Variants in PDE7B observed in about 807,000 individuals in gnomAD.
PDE7B encodes 3',5'-cyclic-AMP phosphodiesterase 7B.
In PDE7B, 29 loss-of-function variants were observed where a neutral mutation model predicts 56.2. The observed-to-expected ratio is 0.52, with a 90% CI of 0.38 to 0.70. PDE7B has a LOEUF of 0.70. Among genes scored for constraint, PDE7B ranks in the 30% least tolerant of loss-of-function variants. The pLI is 0.00. For synonymous variants in PDE7B, 197 were observed against 196.9 expected (o/e 1.00, Z 0.00); for missense variants, 490 against 565.0 (o/e 0.87, Z 1.35).
chr6:136,145,356 T>C (rs982338474), intron 3 of PDE7B, among the ~76,000 whole-genome samples: 1 of 152,120 alleles, frequency 6.6e-6, no homozygotes. Context: ...GATTCCATCA[T>C]TTTTTGAGCT....
At chr6:136,024,018 C>T in intron 2 of PDE7B, among the ~76,000 whole-genome samples, 1 of 151,960 alleles carries the variant, frequency 6.6e-6, no homozygotes, top group East Asian at 1.9e-4. Context: ...CAAGAAAGCC[C>T]TTGATAATTC....
At chr6:135,961,257 G>A (rs1583797124) in intron 2 of PDE7B, among the ~76,000 whole-genome samples, 1 of 136,100 alleles carries the variant, frequency 7.3e-6, no homozygotes, top group Admixed American at 7.1e-5. Context: ...GAGTGTATAT[G>A]TGTGTGTGTG....
intron 1 of PDE7B, among the ~76,000 whole-genome samples, chr6:135,903,219 A>G (rs1776036883): frequency 6.6e-6 from 1 of 152,152 alleles, no homozygotes. Flanking sequence ...TGTACTCAAC[A>G]CCTCACATCT....
intron 1 of PDE7B, among the ~76,000 whole-genome samples, chr6:135,894,591 G>A (rs1449751275): frequency 6.6e-6 from 1 of 152,144 alleles, no homozygotes; most frequent in Non-Finnish European, 1.5e-5. Context: ...AGACCCCAAG[G>A]ACAATAGCCT....
chr6:135,893,251 A>T (rs995563691), intron 1 of PDE7B, among the ~76,000 whole-genome samples: 8 of 119,738 alleles, frequency 6.7e-5, no homozygotes, highest in African/African-American at 2.7e-4. Context: ...CCAGTGTGTG[A>T]TGTTCCCCTT....
At chr6:136,158,764 C>T (rs766329638) in intron 8 of PDE7B, among the ~76,000 whole-genome samples, 2 of 152,174 alleles carry the variant, frequency 1.3e-5, no homozygotes, top group African/African-American at 2.4e-5. Context: ...AGACTGGAAG[C>T]AGTCCAGGTG....
chr6:135,855,806 G>A (rs1775016295), intron 1 of PDE7B, among the ~76,000 whole-genome samples: 1 of 152,184 alleles, frequency 6.6e-6, no homozygotes, highest in Admixed American at 6.5e-5. Flanking sequence ...AAGGTTCATA[G>A]CTGTGATGGT....
chr6:136,000,323 C>T (rs1775642131), intron 2 of PDE7B, among the ~76,000 whole-genome samples: 1 of 152,058 alleles, frequency 6.6e-6, no homozygotes, highest in Non-Finnish European at 1.5e-5. Flanking sequence ...AAAACTTTGC[C>T]CATTCCTGTG....
intron 3 of PDE7B, among the ~76,000 whole-genome samples, chr6:136,135,036 C>T (rs1487195248): frequency 2.6e-5 from 4 of 151,972 alleles, no homozygotes; most frequent in Non-Finnish European, 4.4e-5. Context: ...CTTTCCTATT[C>T]CTCCCCCTGC....
intron 3 of PDE7B, among the ~76,000 whole-genome samples, chr6:136,116,708 A>T (rs184353934): frequency 7.2e-5 from 11 of 152,330 alleles, no homozygotes; most frequent in Non-Finnish European, 1.5e-5. Context: ...AAATGTCCGG[A>T]AGAAAGCTAG....
At chr6:136,079,252 C>T (rs1249202447) in intron 2 of PDE7B, among the ~76,000 whole-genome samples, 3 of 152,110 alleles carry the variant, frequency 2.0e-5, no homozygotes, top group Non-Finnish European at 4.4e-5. Flanking sequence ...GATAAACTTC[C>T]ATCAAGCATG....
intron 2 of PDE7B, among the ~76,000 whole-genome samples, chr6:135,958,746 A>G (rs1034056772): frequency 2.6e-5 from 4 of 152,122 alleles, no homozygotes; most frequent in Non-Finnish European, 4.4e-5. Flanking sequence ...GCCAAAATAT[A>G]TTTTGTTTTC....
intron 2 of PDE7B, among the ~76,000 whole-genome samples, chr6:136,067,300 T>C (rs1381641967): frequency 6.6e-6 from 1 of 152,218 alleles, no homozygotes; most frequent in Non-Finnish European, 1.5e-5. Context: ...ATTTACCCAT[T>C]TTTCTCCAAA....
intron 3 of PDE7B, among the ~76,000 whole-genome samples, chr6:136,112,919 G>A (rs1189196416): frequency 6.6e-6 from 1 of 152,100 alleles, no homozygotes; most frequent in Non-Finnish European, 1.5e-5. Context: ...GTTTGCACCT[G>A]TTGTTCAGGA....
chr6:135,955,076 A>G (rs150611585), intron 2 of PDE7B, among the ~76,000 whole-genome samples: 114 of 152,288 alleles, frequency 7.5e-4, no homozygotes, highest in African/African-American at 2.6e-3. Context: ...AATGAGACCT[A>G]TCAGCCTTAC....
intron 1 of PDE7B, among the ~76,000 whole-genome samples, chr6:135,884,963 C>T (rs1206816794): frequency 6.6e-6 from 1 of 152,120 alleles, no homozygotes; most frequent in Non-Finnish European, 1.5e-5. Context: ...GCTCTAAGAT[C>T]TCACAGCATG....
At chr6:136,107,114 C>T (rs1777656774) in intron 2 of PDE7B, among the ~76,000 whole-genome samples, 1 of 152,202 alleles carries the variant, frequency 6.6e-6, no homozygotes, top group Admixed American at 6.5e-5. Context: ...CAAGTACACT[C>T]AAGGCCCATC....
intron 1 of PDE7B, among the ~76,000 whole-genome samples, chr6:135,861,306 CA>C (rs1219994386): frequency 6.6e-6 from 1 of 151,680 alleles, no homozygotes; most frequent in Non-Finnish European, 1.5e-5. Flanking sequence ...CAAAATTGCT[CA>C]AAGTGGTTAA....
chr6:136,170,415 G>A (rs1050223425), intron 8 of PDE7B, among the ~76,000 whole-genome samples: 21 of 151,998 alleles, frequency 1.4e-4, no homozygotes, highest in African/African-American at 5.1e-4. Flanking sequence ...TTTTCATCTT[G>A]TAAAACTAAA....
Sources: allele counts gnomAD v4.1 joint callset (sites outside exome capture counted in the v4.1 genomes callset), GRCh38; gene constraint gnomAD v4.1.1; transcripts MANE v1.5; gene names NCBI Gene and HGNC (gene_info 2026-07-23, HGNC 2026-07-21).